The following AGBL4 variants were observed in gnomAD, a reference collection of about 807,000 sequenced individuals.
AGBL4 encodes cytosolic carboxypeptidase 6.
Under a neutral mutation model 66.4 loss-of-function variants are expected in AGBL4, and 58 were observed. The ratio of observed to expected loss-of-function variants is 0.87; its 90% CI spans 0.71 to 1.09. The LOEUF is 1.09. AGBL4 is among the 50% of genes least tolerant of loss of function. The pLI, the probability that AGBL4 is intolerant of heterozygous loss-of-function variation, is 0.00. For synonymous variants in AGBL4, 234 were observed against 222.9 expected (o/e 1.05, Z -0.44); for missense variants, 579 against 631.0 (o/e 0.92, Z 0.88).
At chr1:49,206,123 T>A (rs1648108334) in intron 4 of AGBL4, among the ~76,000 whole-genome samples, 2 of 152,220 alleles carry the variant, frequency 1.3e-5, no homozygotes, top group South Asian at 4.1e-4. Flanking sequence ...CTTCAGTACC[T>A]CAGTTGAGAG....
intron 6 of AGBL4, chr1:48,776,662 G>A (rs532358290): frequency 2.7e-6 from 4 of 1,494,074 alleles, no homozygotes; most frequent in Admixed American, 2.4e-5. Flanking sequence ...GTCGCGGGGG[G>A]CGCGCGGGGG....
intron 5 of AGBL4, among the ~76,000 whole-genome samples, chr1:48,970,012 A>G (rs1281196845): frequency 6.6e-6 from 1 of 152,190 alleles, no homozygotes; most frequent in Non-Finnish European, 1.5e-5. Context: ...TAGACAGGAA[A>G]ACTGAGGCAC....
intron 9 of AGBL4, among the ~76,000 whole-genome samples, chr1:48,620,447 A>G (rs115347048): frequency 3.3e-5 from 5 of 151,866 alleles, no homozygotes; most frequent in African/African-American, 1.2e-4. Flanking sequence ...CGGCTTTTAA[A>G]ATTTTTTTTG....
chr1:49,271,479 G>A (rs1437698916), intron 3 of AGBL4, among the ~76,000 whole-genome samples: 2 of 151,096 alleles, frequency 1.3e-5, no homozygotes, highest in African/African-American at 2.4e-5. Flanking sequence ...TTTTCTCTAA[G>A]AGCTCCATAG....
intron 1 of AGBL4, among the ~76,000 whole-genome samples, chr1:49,929,878 A>G (rs948534697): frequency 5.3e-5 from 8 of 152,152 alleles, no homozygotes; most frequent in Non-Finnish European, 4.4e-5. Flanking sequence ...TAATACTCTC[A>G]GTTCCATATG....
intron 3 of AGBL4, among the ~76,000 whole-genome samples, chr1:49,352,957 T>A (rs988573151): frequency 3.3e-5 from 5 of 152,202 alleles, no homozygotes; most frequent in Admixed American, 2.0e-4. Flanking sequence ...ACCCTATGAC[T>A]TTCCTTTCCC....
chr1:49,330,768 G>A (rs1259987282), intron 3 of AGBL4, among the ~76,000 whole-genome samples: 1 of 152,152 alleles, frequency 6.6e-6, no homozygotes, highest in Non-Finnish European at 1.5e-5. Flanking sequence ...GCAAAGGGGT[G>A]AAGGGGCCAA....
chr1:49,671,525 G>A (rs1164012853), intron 3 of AGBL4, among the ~76,000 whole-genome samples: 1 of 152,014 alleles, frequency 6.6e-6, no homozygotes, highest in East Asian at 1.9e-4. Flanking sequence ...AGCAAAAGAA[G>A]CTATCAACAG....
the AGBL4 span, among the ~76,000 whole-genome samples, chr1:48,527,753 G>C: frequency 6.6e-6 from 1 of 152,080 alleles, no homozygotes; most frequent in Admixed American, 6.6e-5. Flanking sequence ...TTAGTTAAGA[G>C]GAACAGAGAT....
At chr1:48,963,892 T>C (rs961968228) in intron 5 of AGBL4, among the ~76,000 whole-genome samples, 1 of 152,224 alleles carries the variant, frequency 6.6e-6, no homozygotes, top group Non-Finnish European at 1.5e-5. Context: ...GATTCATTCA[T>C]TCAATCATTC....
chr1:50,001,147 GACC>G (rs1035089672), intron 1 of AGBL4, among the ~76,000 whole-genome samples: 2 of 151,012 alleles, frequency 1.3e-5, no homozygotes, highest in African/African-American at 4.9e-5. Context: ...TATGTGGTAT[GACC>G]ACATGTGTAT....
At chr1:49,547,952 T>C (rs1489311752) in intron 3 of AGBL4, among the ~76,000 whole-genome samples, 1 of 152,076 alleles carries the variant, frequency 6.6e-6, no homozygotes, top group Non-Finnish European at 1.5e-5. Flanking sequence ...TTTTGTATTT[T>C]TAGTAGAGAC....
At chr1:50,017,106 C>G (rs950693655) in intron 1 of AGBL4, 1 of 152,088 alleles carries the variant, frequency 6.6e-6, no homozygotes, top group Non-Finnish European at 1.5e-5. Flanking sequence ...TAAATCCCCG[C>G]TCTACAGAAG....
chr1:49,570,896 A>AG (rs1644313302), intron 3 of AGBL4, among the ~76,000 whole-genome samples: 1 of 152,100 alleles, frequency 6.6e-6, no homozygotes, highest in South Asian at 2.1e-4. Context: ...AGTTGGCTGT[A>AG]GATAAGTGGC....
chr1:49,597,062 T>C (rs1205234547), intron 3 of AGBL4, among the ~76,000 whole-genome samples: 1 of 152,224 alleles, frequency 6.6e-6, no homozygotes, highest in South Asian at 2.1e-4. Context: ...ATTAAGTACA[T>C]ATTAGGCACA....
chr1:48,996,597 C>T (rs1661011624), intron 5 of AGBL4, among the ~76,000 whole-genome samples: 1 of 151,912 alleles, frequency 6.6e-6, no homozygotes, highest in Non-Finnish European at 1.5e-5. Flanking sequence ...AGGGAAATGA[C>T]CATTAGAATT....
At chr1:48,836,149 G>A (rs1646664409) in intron 6 of AGBL4, among the ~76,000 whole-genome samples, 1 of 151,956 alleles carries the variant, frequency 6.6e-6, no homozygotes, top group Admixed American at 6.6e-5. Flanking sequence ...GAGATCTTTA[G>A]GTGAAGCACC....
At chr1:48,771,985 C>T (rs1235808436) in intron 6 of AGBL4, among the ~76,000 whole-genome samples, 1 of 152,166 alleles carries the variant, frequency 6.6e-6, no homozygotes, top group East Asian at 1.9e-4. Flanking sequence ...TTCTGAAAAA[C>T]AAGCTGCTGC....
chr1:49,542,896 CAAAAAAAAAAA>C (rs35734647), intron 3 of AGBL4, among the ~76,000 whole-genome samples: 365 of 22,894 alleles, frequency 0.016, 8 homozygotes, highest in African/African-American at 0.069. Flanking sequence ...AAGACTCCAT[CAAAAAAAAAAA>C]AAAAAAAAAA....
Sources: allele counts gnomAD v4.1 joint callset (sites outside exome capture counted in the v4.1 genomes callset), GRCh38; gene constraint gnomAD v4.1.1; transcripts MANE v1.5; gene names NCBI Gene and HGNC (gene_info 2026-07-23, HGNC 2026-07-21).